The following SEC31A variants were observed in gnomAD, a reference collection of about 807,000 sequenced individuals.
SEC31A encodes protein transport protein Sec31A.
SEC31A carries 70 observed loss-of-function variants against 151.0 expected under a neutral mutation model. That is an observed-to-expected ratio of 0.46 (90% CI 0.38 to 0.57). SEC31A has a LOEUF of 0.57. Ranked by LOEUF, SEC31A falls within the 20% of genes least tolerant of loss-of-function variation. SEC31A has a pLI of 0.00. For synonymous variants in SEC31A, 475 were observed against 505.9 expected, an observed-to-expected ratio of 0.94 and a Z score of 0.82; for missense variants, 1,330 against 1,471.2, an observed-to-expected ratio of 0.90 and a Z score of 1.57.
intron 4 of SEC31A, among the ~76,000 whole-genome samples, chr4:82,876,264 C>A (rs1470063378): frequency 6.6e-6 from 1 of 152,098 alleles, no homozygotes; most frequent in Admixed American, 6.6e-5. Context: ...GCATGCACCA[C>A]CACTCCCGGC....
At chr4:82,847,167 T>A (rs1397224024) in intron 20 of SEC31A, among the ~76,000 whole-genome samples, 1 of 152,236 alleles carries the variant, frequency 6.6e-6, no homozygotes, top group Non-Finnish European at 1.5e-5. Context: ...GATTTTCAAC[T>A]GTACGCAGGG....
At chr4:82,827,735 A>T (rs973199562) in intron 23 of SEC31A, 103 bp from the exon 24 acceptor site, 3 of 1,111,784 alleles carry the variant, frequency 2.7e-6, no homozygotes, top group Non-Finnish European at 3.9e-6. Context: ...ACGGCTAAAC[A>T]AATTTTTTAA....
At chr4:82,872,214 T>A in intron 6 of SEC31A, 128 bp from the exon 7 acceptor site, 1 of 760,802 alleles carries the variant, frequency 1.3e-6, no homozygotes, top group Non-Finnish European at 2.2e-6. Context: ...TTATTTATGA[T>A]CTATTTATTG....
At chr4:82,889,453 G>C (rs543617834) in intron 1 of SEC31A, among the ~76,000 whole-genome samples, 2 of 151,446 alleles carry the variant, frequency 1.3e-5, no homozygotes, top group African/African-American at 2.4e-5. Flanking sequence ...AGGCTGAGGC[G>C]GGAGGATCTC....
rs773565916 is a variant in SEC31A, at chr4:82,863,410, T to C, written c.1435-18A>G. 6.7e-7 allele frequency: 1 copy of C among 1,499,754 alleles called. No homozygotes were observed. Among genetic ancestry groups the C allele is most frequent in the East Asian group, 2.4e-5 (1 of 42,340 alleles). The allele number at this position is 1,499,754 out of a possible 1,614,324, so 92.9% of individuals were successfully genotyped here. A position where few individuals can be genotyped will look rare whatever the true frequency, so the allele number is the denominator to read the frequency against. On this transcript the variant is annotated intron_variant, in intron 11 of 26. Transcript: ENST00000395310. Reference sequence around the variant, plus strand: ...AAGTTTACCTTTAAAAAAAAAGACATATTCTTAAAACAAAGACCTACATTT... The same window carrying C: ...AAGTTTACCTTTAAAAAAAAAGACACATTCTTAAAACAAAGACCTACATTT...
At chr4:82,873,098 C>T (rs1160039475) in intron 6 of SEC31A, among the ~76,000 whole-genome samples, 1 of 152,126 alleles carries the variant, frequency 6.6e-6, no homozygotes, top group Non-Finnish European at 1.5e-5. Context: ...TGGTGGCTCA[C>T]TCCTGTAATC....
chr4:82,878,685 T>C (rs1208506095), intron 4 of SEC31A, 45 bp downstream of exon 4: 1 of 1,504,928 alleles, frequency 6.6e-7, no homozygotes, highest in Non-Finnish European at 9.2e-7. Flanking sequence ...TGATTTCAAA[T>C]GAGCAGCACA....
In SEC31A at chr4:82,865,536, G is replaced by GTA. The variant is rs55681370; in HGVS notation, c.1198-940_1198-939dup. On this transcript the variant is annotated intron_variant, in intron 10 of 26. Transcript: ENST00000395310. The stretch of plus-strand genomic sequence containing the variant: ...AAATGAATGGATAAAAAAAAATGTG[G>GTA]TATATATATATATATATATATATAT... 9.9e-4 allele frequency among the ~76,000 whole-genome samples: 136 copies of GTA among 137,054 alleles called. 2 individuals are homozygous for GTA. Among genetic ancestry groups the GTA allele is most frequent in the East Asian group, 1.6e-3 (7 of 4,508 alleles). The allele number at this position is 137,054 out of a possible 152,430, so 89.9% of individuals were successfully genotyped here.
rs191790557 is a variant in SEC31A at position 82,819,360 on chromosome 4, A to G, written c.3484-107T>C. On this transcript the variant is annotated intron_variant, in intron 26 of 26. Coordinates refer to ENST00000395310, the MANE Select transcript of SEC31A (RefSeq NM_001077207.4). ...TATTTAAGTGGAATTTGAAACAAAC[A>G]TTATAAAAATATATAAACCATTTAG... The G allele has an allele frequency of 4.9e-6, 4 of 823,008 alleles. No homozygotes were observed. In the African/African-American group the frequency reaches 5.3e-5, roughly 11 times the overall value. 51.0% of individuals were successfully genotyped at this position (823,008 alleles called of 1,614,324 possible). A position where few individuals can be genotyped will look rare whatever the true frequency, so the allele number is the denominator to read the frequency against.
At chr4:82,832,500 C>T (rs1726174945) in intron 22 of SEC31A, among the ~76,000 whole-genome samples, 1 of 152,128 alleles carries the variant, frequency 6.6e-6, no homozygotes, top group Admixed American at 6.5e-5. Flanking sequence ...TAGACATAGG[C>T]AAAGACTTCA....
chr4:82,884,491 T>C (rs1374149979), intron 1 of SEC31A, among the ~76,000 whole-genome samples: 1 of 152,150 alleles, frequency 6.6e-6, no homozygotes, highest in Non-Finnish European at 1.5e-5. Flanking sequence ...CCACATAACC[T>C]TTCTCACCAC....
chr4:82,848,419 A>G (rs949412635), intron 20 of SEC31A, among the ~76,000 whole-genome samples: 3 of 152,140 alleles, frequency 2.0e-5, no homozygotes, highest in African/African-American at 2.4e-5. Context: ...AAAAAATACT[A>G]TCTTCTAAAA....
chr4:82,848,259 T>A (rs954021619), intron 20 of SEC31A, among the ~76,000 whole-genome samples: 2 of 150,878 alleles, frequency 1.3e-5, no homozygotes, highest in Non-Finnish European at 2.9e-5. Context: ...TTCCACATAA[T>A]CTAAAATTTC....
rs937393763 is a variant in SEC31A, at chr4:82,840,400, T to C, written c.2968+1740A>G. Among the ~76,000 whole-genome samples the C allele has an allele frequency of 7.4e-4, 112 of 152,150 alleles. 1 individual carries two copies. Among genetic ancestry groups the C allele is most frequent in the Non-Finnish European group, 2.6e-4 (18 of 68,020 alleles). On this transcript the variant is annotated intron_variant, in intron 22 of 26. Coordinates refer to ENST00000395310, the MANE Select transcript of SEC31A (RefSeq NM_001077207.4). ...TCACCCAAGTTTTAAAAGGTAATTT[T>C]TGGAACTCTACAAATGAATTAGCAT...
intron 22 of SEC31A, among the ~76,000 whole-genome samples, chr4:82,839,179 A>T: frequency 6.7e-6 from 1 of 149,882 alleles, no homozygotes. Flanking sequence ...AGATGGAGTT[A>T]CGCTCTTGTT....
intron 11 of SEC31A, among the ~76,000 whole-genome samples, chr4:82,864,132 T>C (rs1734776761): frequency 6.6e-6 from 1 of 152,210 alleles, no homozygotes; most frequent in Non-Finnish European, 1.5e-5. Context: ...ATTATTATTT[T>C]TTTTTACTTA....
intron 2 of SEC31A, among the ~76,000 whole-genome samples, chr4:82,881,422 G>A (rs1002002768): frequency 5.3e-5 from 8 of 151,614 alleles, no homozygotes; most frequent in Non-Finnish European, 8.8e-5. Context: ...CAGAGATCAC[G>A]CCACTGCATT....
intron 22 of SEC31A, among the ~76,000 whole-genome samples, chr4:82,833,123 C>T (rs373364237): frequency 1.3e-5 from 2 of 152,152 alleles, no homozygotes; most frequent in South Asian, 2.1e-4. Context: ...TACTTTGGCA[C>T]TATTCACAAT....
intron 25 of SEC31A, among the ~76,000 whole-genome samples, chr4:82,821,935 T>C (rs1423165168): frequency 6.6e-6 from 1 of 152,176 alleles, no homozygotes. Context: ...TCTAAGCCTT[T>C]AAAGCACCAA....
Sources: allele counts gnomAD v4.1 joint callset (sites outside exome capture counted in the v4.1 genomes callset), GRCh38; gene constraint gnomAD v4.1.1; transcripts MANE v1.5; gene names NCBI Gene and HGNC (gene_info 2026-07-23, HGNC 2026-07-21).